NSD1: variants seen among roughly 807,000 people sequenced by gnomAD.
NSD1 encodes the protein histone-lysine N-methyltransferase, H3 lysine-36 specific.
NSD1 carries 26 observed loss-of-function variants against 242.7 expected under a neutral mutation model. The observed-to-expected ratio is 0.11, with a 90% CI of 0.08 to 0.15. NSD1 has a LOEUF of 0.15. Among genes scored for constraint, NSD1 ranks in the 10% least tolerant of loss-of-function variants. The pLI is 1.00. For synonymous variants in NSD1, 1,106 were observed against 1,178.1 expected (o/e 0.94, Z 1.25); for missense variants, 2,495 against 3,272.8 (o/e 0.76, Z 5.80).
chr5:177,262,754 C>T (rs1233172940), intron 14 of NSD1, among the ~76,000 whole-genome samples: 2 of 152,360 alleles, frequency 1.3e-5, no homozygotes, highest in African/African-American at 2.4e-5. Context: ...TGGCAGACAC[C>T]TGTAATCCCA....
chr5:177,267,624 G>A lies in NSD1; in HGVS notation c.5209G>A (p.Asp1737Asn), dbSNP rs200423668. ...AAFHRECLNI[D>N]IPEGNWYCND... ...TTTTCATCGTGAATGCCTGAACATT[G>A]ATATCCCTGAAGGAAACTGGTATTG... is the stretch of plus-strand genomic sequence containing the variant. The change falls in exon 15 of 23, where the codon GAT (aspartate) becomes AAT (asparagine). Residue 1737 changes from aspartate (D) to asparagine (N), a missense_variant. By Grantham distance (23) the Asp-to-Asn change is conservative. Coordinates refer to ENST00000439151, the MANE Select transcript of NSD1 (RefSeq NM_022455.5). 1 of 1,614,040 alleles carries A rather than the reference G, an allele frequency of 6.2e-7. No individual in the cohort carries two copies. The highest frequency in any genetic ancestry group is 2.2e-5 in the East Asian group (1 of 44,866).
Position 177,296,894 on chromosome 5 carries a change from TG to T in NSD1, c.*1436del. 1 of 233,360 alleles carries T rather than the reference TG, an allele frequency of 4.3e-6. No individual in the cohort carries two copies. The highest frequency in any genetic ancestry group is 8.5e-6 in the Non-Finnish European group (1 of 118,074). The allele number at this position is 233,360 out of a possible 1,614,324, so 14.5% of individuals were successfully genotyped here. On this transcript the variant is annotated 3_prime_UTR_variant, in exon 23 of 23. Transcript: ENST00000439151. ...CCTTAGACCAACATGTTTACCTCTCTGCTTTGCCAACTTAGCCAGCAGGCCA... is the reference window on the plus strand; with the variant it reads ...CCTTAGACCAACATGTTTACCTCTCTCTTTGCCAACTTAGCCAGCAGGCCA...
At chr5:177,274,489 C>G (rs1758194301) in intron 17 of NSD1, among the ~76,000 whole-genome samples, 1 of 152,102 alleles carries the variant, frequency 6.6e-6, no homozygotes. Flanking sequence ...CTAATATTTA[C>G]TAAATCCTTT....
chr5:177,198,313 A>G (rs1191594683), intron 3 of NSD1, among the ~76,000 whole-genome samples: 1 of 152,186 alleles, frequency 6.6e-6, no homozygotes, highest in East Asian at 1.9e-4. Flanking sequence ...GGTGTGAGCC[A>G]CTGTGCCTGG....
chr5:177,295,000 C>T lies in NSD1; in HGVS notation c.7632C>T (p.Ala2544=), dbSNP rs886042468. 2 of 1,614,240 alleles carry T rather than the reference C, an allele frequency of 1.2e-6. No homozygotes were observed. Among genetic ancestry groups the T allele is most frequent in the East Asian group, 2.2e-5 (1 of 44,890 alleles). ...TQARLLSQPP[A]KAFLYEPTTQ... is the part of the protein sequence containing the mutation. ...CCAGACTTCTTTCTCAGCCTCCTGC[C>T]AAGGCCTTTTTATATGAGCCAACAA... The change falls in exon 23 of 23, where the codon GCC becomes GCT. Residue 2544 remains alanine, a synonymous_variant. Transcript: ENST00000439151.
intron 2 of NSD1, among the ~76,000 whole-genome samples, chr5:177,158,237 A>ATTTC (rs1166834243): frequency 0.027 from 2,909 of 108,666 alleles, 97 homozygotes; most frequent in Non-Finnish European, 0.034. Flanking sequence ...ATGGGTTCTA[A>ATTTC]TTTCTTTCTT....
chr5:177,141,317 G>T (rs1756794235), intron 2 of NSD1, among the ~76,000 whole-genome samples: 1 of 124,154 alleles, frequency 8.1e-6, no homozygotes, highest in South Asian at 2.6e-4. Flanking sequence ...ACCGCGCGCA[G>T]CCTTTTTTTT....
At chr5:177,202,161 T>G (rs1047232127) in intron 3 of NSD1, among the ~76,000 whole-genome samples, 2 of 133,436 alleles carry the variant, frequency 1.5e-5, no homozygotes, top group Non-Finnish European at 3.0e-5. Flanking sequence ...AGAGTGAAAC[T>G]CCGTCTCAGA....
At chr5:177,279,231 C>T (rs1163237211) in intron 17 of NSD1, among the ~76,000 whole-genome samples, 1 of 152,206 alleles carries the variant, frequency 6.6e-6, no homozygotes, top group East Asian at 1.9e-4. Context: ...CCTATAATCC[C>T]AGCACTTTCA....
In NSD1 at chr5:177,135,440, T is replaced by C. The variant is rs1756232269; in HGVS notation, c.337T>C (p.Cys113Arg). The change falls in exon 2 of 23, where the codon TGC (cysteine) becomes CGC (arginine). Residue 113 changes from cysteine (C) to arginine (R), a missense_variant. Around this residue, in one of 19 missense-constraint regions of NSD1, gnomAD observed 376 missense variants for 367.4 expected, o/e 1.02. Transcript: ENST00000439151. ...SDSRAQTPIV[C>R]TSLSPGGPTA... ...TTCAAGAGCTCAGACGCCAATTGTT[T>C]GCACTTCCTTGAGTCCTGGTGGTCC... 2 of 1,614,162 alleles carry C rather than the reference T, an allele frequency of 1.2e-6. No homozygotes were observed. The highest frequency in any genetic ancestry group is 1.7e-6 in the Non-Finnish European group (2 of 1,180,014).
At chr5:177,224,162 A>G (rs1224673917) in intron 5 of NSD1, among the ~76,000 whole-genome samples, 1 of 151,998 alleles carries the variant, frequency 6.6e-6, no homozygotes, top group African/African-American at 2.4e-5. Context: ...TTGGTGTTTC[A>G]TATTAATGTT....
chr5:177,197,080 A>T (rs1762155494), intron 3 of NSD1, among the ~76,000 whole-genome samples: 1 of 151,926 alleles, frequency 6.6e-6, no homozygotes, highest in East Asian at 1.9e-4. Context: ...CAGCCTGGCC[A>T]ACATGGTGAA....
intron 2 of NSD1, among the ~76,000 whole-genome samples, chr5:177,148,962 G>T (rs1047515133): frequency 2.0e-5 from 3 of 151,878 alleles, no homozygotes; most frequent in African/African-American, 7.3e-5. Context: ...GGGATTACAG[G>T]CATGTGCACC....
chr5:177,275,435 C>CTTTTT lies in NSD1; in HGVS notation c.5622+1673_5622+1677dup, dbSNP rs749631943. The stretch of plus-strand genomic sequence containing the variant: ...TGTGATTCCATTGTGCTTCCCTTGT[C>CTTTTT]TTTTTTTTTTTTTTTTTTTTTTTTT... On this transcript the variant is annotated intron_variant, in intron 17 of 22. Transcript: ENST00000439151. 2.8e-4 allele frequency among the ~76,000 whole-genome samples: 14 copies of CTTTTT among 50,142 alleles called. 3 individuals carry two copies. The highest frequency in any genetic ancestry group is 9.7e-4 in the African/African-American group (11 of 11,320). 32.9% of individuals were successfully genotyped at this position (50,142 alleles called of 152,430 possible). A position where few individuals can be genotyped will look rare whatever the true frequency, so the allele number is the denominator to read the frequency against.
chr5:177,176,794 C>CT (rs1760244880), intron 2 of NSD1, among the ~76,000 whole-genome samples: 1 of 152,118 alleles, frequency 6.6e-6, no homozygotes, highest in African/African-American at 2.4e-5. Flanking sequence ...GCCAAAAAGC[C>CT]TTTGGATTCT....
At chr5:177,257,279 G>A in intron 13 of NSD1, 128 bp downstream of exon 13, 1 of 794,438 alleles carries the variant, frequency 1.3e-6, no homozygotes, top group Non-Finnish European at 2.0e-6. Context: ...TGCCGAGGCT[G>A]GAGTGCAGTG....
chr5:177,192,457 C>T (rs1456290794), intron 3 of NSD1, among the ~76,000 whole-genome samples: 2 of 151,862 alleles, frequency 1.3e-5, no homozygotes, highest in Non-Finnish European at 2.9e-5. Context: ...AGTGCAGTGG[C>T]GTGATCTCAG....
chr5:177,197,969 A>G (rs1204182959), intron 3 of NSD1, among the ~76,000 whole-genome samples: 2 of 152,048 alleles, frequency 1.3e-5, no homozygotes, highest in African/African-American at 4.8e-5. Context: ...GGTATATAGG[A>G]TTCAGAAGGA....
intron 15 of NSD1, 109 bp downstream of exon 15, chr5:177,267,827 C>G: frequency 9.5e-7 from 1 of 1,056,982 alleles, no homozygotes; most frequent in Non-Finnish European, 1.4e-6. Context: ...ACTCATGGTA[C>G]TCCTCCCCTC....
Sources: allele counts gnomAD v4.1 joint callset (sites outside exome capture counted in the v4.1 genomes callset), GRCh38; gene constraint gnomAD v4.1.1; regional missense constraint gnomAD v4.1.1; transcripts MANE v1.5; gene names NCBI Gene and HGNC (gene_info 2026-07-23, HGNC 2026-07-21).